Variants in DNAI3 observed in about 807,000 individuals in gnomAD.
The protein encoded by DNAI3 is WD repeat domain 63.
DNAI3 carries 83 observed loss-of-function variants against 115.5 expected under a neutral mutation model. That is an observed-to-expected ratio of 0.72 (90% CI 0.60 to 0.86). The LOEUF is 0.86. Among genes scored for constraint, DNAI3 ranks in the 40% least tolerant of loss-of-function variants. The pLI, the probability that DNAI3 is intolerant of heterozygous loss-of-function variation, is 0.00. For missense variants in DNAI3, 1,004 were observed against 1,075.8 expected (o/e 0.93, Z 0.93); for synonymous variants, 320 against 347.0 (o/e 0.92, Z 0.86).
intron 1 of DNAI3, among the ~76,000 whole-genome samples, chr1:85,067,635 G>A (rs1571149877): frequency 1.3e-5 from 2 of 152,268 alleles, no homozygotes; most frequent in South Asian, 2.1e-4. Flanking sequence ...TAAGATCAGC[G>A]GAACTTAACA....
chr1:85,096,470 A>G (rs1442821779), intron 11 of DNAI3, among the ~76,000 whole-genome samples: 1 of 147,408 alleles, frequency 6.8e-6, no homozygotes, highest in African/African-American at 2.5e-5. Context: ...ATATATATAT[A>G]TAGATAGATT....
At chr1:85,121,956 C>A in intron 18 of DNAI3, 142 bp downstream of exon 18, 1 of 753,390 alleles carries the variant, frequency 1.3e-6, no homozygotes, top group South Asian at 2.2e-5. Flanking sequence ...AAAGTGAAGG[C>A]CTTGAATAAG....
At chr1:85,096,148 G>A (rs1159951615) in intron 11 of DNAI3, 128 bp downstream of exon 11, 7 of 783,424 alleles carry the variant, frequency 8.9e-6, no homozygotes, top group Admixed American at 6.3e-5. Flanking sequence ...TTGTGTGCCA[G>A]ACACCACACC....
intron 16 of DNAI3, among the ~76,000 whole-genome samples, chr1:85,112,259 C>A (rs1437041410): frequency 6.6e-6 from 1 of 152,034 alleles, no homozygotes; most frequent in Admixed American, 6.5e-5. Flanking sequence ...AGAATTAATT[C>A]ATGTTGTCTG....
intron 17 of DNAI3, among the ~76,000 whole-genome samples, chr1:85,119,174 T>G (rs1371005285): frequency 6.6e-6 from 1 of 152,228 alleles, no homozygotes; most frequent in Non-Finnish European, 1.5e-5. Flanking sequence ...TTAGCCATTT[T>G]TAAATGTACA....
chr1:85,091,216 G>A (rs1249652097), intron 8 of DNAI3, among the ~76,000 whole-genome samples: 1 of 152,136 alleles, frequency 6.6e-6, no homozygotes, highest in African/African-American at 2.4e-5. Flanking sequence ...AATTTTTCCT[G>A]TAAGAATATT....
chr1:85,124,093 A>G (rs1416301689), intron 18 of DNAI3, 28 bp from the exon 19 acceptor site: 3 of 1,613,544 alleles, frequency 1.9e-6, no homozygotes, highest in Admixed American at 3.3e-5. Context: ...GTTATTAAAG[A>G]TGAGATGGTC....
intron 1 of DNAI3, among the ~76,000 whole-genome samples, chr1:85,068,456 T>A (rs1206152357): frequency 6.6e-6 from 1 of 152,204 alleles, no homozygotes; most frequent in African/African-American, 2.4e-5. Flanking sequence ...CATATCACTT[T>A]CACCTGCCTG....
At chr1:85,129,150 T>A (rs924622443) in intron 21 of DNAI3, among the ~76,000 whole-genome samples, 13 of 152,166 alleles carry the variant, frequency 8.5e-5, no homozygotes, top group Non-Finnish European at 1.2e-4. Context: ...TGTTCATGCA[T>A]CTCTCCATCA....
chr1:85,069,207 A>T (rs1015137365), intron 1 of DNAI3, among the ~76,000 whole-genome samples: 14 of 152,148 alleles, frequency 9.2e-5, no homozygotes, highest in African/African-American at 2.9e-4. Context: ...GCCAGGCATG[A>T]TCCTTCCCCA....
At chr1:85,105,528 C>CAAAAAAAAAAAAAAAAAAAA (rs755945527) in intron 14 of DNAI3, among the ~76,000 whole-genome samples, 2 of 51,724 alleles carry the variant, frequency 3.9e-5, no homozygotes, top group Non-Finnish European at 7.2e-5. Flanking sequence ...AACTCTGTCT[C>CAAAAAAAAAAAAAAAAAAAA]AAAAAAAAAA....
chr1:85,073,146 A>G, intron 3 of DNAI3, 54 bp downstream of exon 3: 1 of 1,321,486 alleles, frequency 7.6e-7, no homozygotes, highest in Non-Finnish European at 1.0e-6. Context: ...ATATTTTAAT[A>G]ATGCAATAAG....
intron 16 of DNAI3, 121 bp from the exon 17 acceptor site, chr1:85,117,608 C>A: frequency 1.5e-6 from 2 of 1,358,586 alleles, no homozygotes; most frequent in Non-Finnish European, 2.0e-6. Flanking sequence ...CTTATGCTCA[C>A]TACATTGGGA....
intron 2 of DNAI3, 142 bp downstream of exon 2, chr1:85,072,147 T>C: frequency 2.6e-6 from 2 of 781,296 alleles, no homozygotes; most frequent in East Asian, 2.8e-5. Context: ...ATAAGATATA[T>C]GGAGATTCAT....
intron 13 of DNAI3, among the ~76,000 whole-genome samples, chr1:85,098,984 T>C (rs1655206811): frequency 6.6e-6 from 1 of 152,198 alleles, no homozygotes. Context: ...GAATTTAAGA[T>C]TTATGATCTC....
At position 85,093,617 on chromosome 1, in the gene DNAI3, T is replaced by G; in HGVS notation, c.1017T>G (p.Ile339Met). Residue 339 changes from isoleucine to methionine, a missense_variant, in exon 9 of 23, where the codon ATT becomes ATG. By Grantham distance (10) the Ile-to-Met change is conservative (BLOSUM62 1). Around this residue, in one of 3 missense-constraint regions of DNAI3, gnomAD observed 550 missense variants for 568.1 expected, o/e 0.97. Coordinates refer to ENST00000294664, the MANE Select transcript of DNAI3 (RefSeq NM_145172.5). ...TTCATAGCCCAACGGAGAAAATGAT[T>G]ACCTGTGTCTCATGGCATCCAACTA... ...TDLHSPTEKM[I>M]TCVSWHPTIY... The G allele has an allele frequency of 6.2e-7, 1 of 1,614,130 alleles. No individual in the cohort carries two copies. The highest frequency in any genetic ancestry group is 8.5e-7 in the Non-Finnish European group (1 of 1,180,000).
At position 85,094,485 on chromosome 1, in the gene DNAI3, T is replaced by C; in HGVS notation, c.1103T>C (p.Phe368Ser). The C allele has an allele frequency of 1.2e-6, 2 of 1,614,196 alleles. No individual in the cohort carries two copies. The highest frequency in any genetic ancestry group is 1.7e-6 in the Non-Finnish European group (2 of 1,180,030). Reference protein sequence around the residue: ...VRLSFEDRVHFSGKLLLQPSL... With the variant: ...VRLSFEDRVHSSGKLLLQPSL... ...CTTTCTTTTGAAGACAGAGTTCACTTTTCTGGTAAATTATTGCTGCAGCCA... is the reference window on the plus strand; with the variant it reads ...CTTTCTTTTGAAGACAGAGTTCACTCTTCTGGTAAATTATTGCTGCAGCCA... Residue 368 changes from phenylalanine (F) to serine (S), a missense_variant, in exon 10 of 23, where the codon TTT becomes TCT. Transcript: ENST00000294664.
rs1553165880 is a variant in DNAI3 at position 85,085,785 on chromosome 1, A to ATCAATTTTTCT, written c.541-43_541-42insATTTTTCTTCA. ...AGCAGAGTACCAACATTGCCTACAC[A>ATCAATTTTTCT]TCAGGGACTTCATTATGTTACCTTT... On this transcript the variant is annotated intron_variant, in intron 6 of 22. Coordinates refer to ENST00000294664, the MANE Select transcript of DNAI3 (RefSeq NM_145172.5). 4 of 1,525,148 alleles carry ATCAATTTTTCT rather than the reference A, an allele frequency of 2.6e-6. No individual in the cohort carries two copies. In the Admixed American group the frequency reaches 6.9e-5, roughly 26 times the overall value. 94.5% of individuals were successfully genotyped at this position (1,525,148 alleles called of 1,614,324 possible). A position where few individuals can be genotyped will look rare whatever the true frequency, so the allele number is the denominator to read the frequency against.
chr1:85,107,704 A>G (rs1383646792), intron 14 of DNAI3, among the ~76,000 whole-genome samples: 1 of 152,184 alleles, frequency 6.6e-6, no homozygotes, highest in Non-Finnish European at 1.5e-5. Flanking sequence ...CTGTGACTAT[A>G]TTGAAAACCA....
Sources: gnomAD v4.1 joint callset for allele counts (sites outside exome capture counted in the v4.1 genomes callset) on GRCh38, gnomAD v4.1.1 for gene constraint, gnomAD v4.1.1 regional missense constraint, MANE v1.5 for transcripts, NCBI Gene and HGNC (gene_info 2026-07-23, HGNC 2026-07-21) for gene names.